MAP2K7: variants seen among roughly 807,000 people sequenced by gnomAD.
The protein encoded by MAP2K7 is dual specificity mitogen-activated protein kinase kinase 7.
MAP2K7 carries 12 observed loss-of-function variants against 47.7 expected under a neutral mutation model. The ratio of observed to expected loss-of-function variants is 0.25; its 90% CI spans 0.16 to 0.41. The LOEUF (loss-of-function observed/expected upper bound fraction) is 0.41. Among genes scored for constraint, MAP2K7 ranks in the 10% least tolerant of loss-of-function variants. MAP2K7 has a pLI of 1.00. For synonymous variants in MAP2K7, 299 were observed against 243.0 expected (o/e 1.23, Z -2.14); for missense variants, 415 against 600.3 (o/e 0.69, Z 3.23).
At position 7,913,043 on chromosome 19, in the gene MAP2K7, G is replaced by GCTCTCT. The variant is rs3066695; in HGVS notation, c.*633_*638dup. On this transcript the variant is annotated 3_prime_UTR_variant, in exon 11 of 11. Transcript: ENST00000397979. ...CGGCTGGACGGGGCTGCGCGCTCGC[G>GCTCTCT]CTCTCTCTCTCTCTCTCTCTCTCTC... 7.1e-3 allele frequency: 1,063 copies of GCTCTCT among 150,186 alleles called. 9 individuals carry two copies. Among genetic ancestry groups the GCTCTCT allele is most frequent in the Non-Finnish European group, 0.011 (735 of 67,556 alleles). 9.3% of individuals were successfully genotyped at this position (150,186 alleles called of 1,614,324 possible). A position where few individuals can be genotyped will look rare whatever the true frequency, so the allele number is the denominator to read the frequency against.
In MAP2K7 at chr19:7,908,414, A is replaced by T. The variant is rs189081985; in HGVS notation, c.125-1341A>T. Among the ~76,000 whole-genome samples the T allele has an allele frequency of 2.4e-4, 36 of 152,206 alleles. No homozygotes were observed. In the East Asian group the frequency reaches 4.6e-3, roughly 20 times the overall value. ...TGCTGGGCCTCCTGCATTGGGACTG[A>T]GGCGTCTTCCTGCCCCTCCTACTGG... is the stretch of plus-strand genomic sequence containing the variant. On this transcript the variant is annotated intron_variant, in intron 1 of 10. Coordinates refer to ENST00000397979, the MANE Select transcript of MAP2K7 (RefSeq NM_145185.4).
Position 7,911,431 on chromosome 19 carries a change from C to G in MAP2K7, c.937-5C>G, listed in dbSNP as rs1235863712. On this transcript the variant is annotated splice_polypyrimidine_tract_variant and splice_region_variant and intron_variant, in intron 8 of 10. Transcript: ENST00000397979. ...CCTGTCCAGCCCTGCCCGTCTCCCT[C>G]CCAGGTGGAGCTGGCAACAGGACAG... The G allele has an allele frequency of 3.7e-6, 6 of 1,613,232 alleles. No homozygotes were observed. In the East Asian group the frequency reaches 1.1e-4, roughly 30 times the overall value.
intron 10 of MAP2K7, 49 bp downstream of exon 10, chr19:7,912,243 G>A (rs201936214): frequency 6.4e-5 from 103 of 1,613,502 alleles, no homozygotes; most frequent in East Asian, 1.3e-4. Flanking sequence ...GCGGAGGCGC[G>A]AGGCCAGGAG....
rs1568281518 is a variant in MAP2K7, at chr19:7,913,070, T to TCTCTCTCTCTC, written c.*639_*640insCTCTCTCTCTC. The TCTCTCTCTCTC allele has an allele frequency of 7.2e-6, 1 of 139,580 alleles. No homozygotes were observed. The highest frequency in any genetic ancestry group is 2.6e-5 in the African/African-American group (1 of 39,124). 8.6% of individuals were successfully genotyped at this position (139,580 alleles called of 1,614,324 possible). A position where few individuals can be genotyped will look rare whatever the true frequency, so the allele number is the denominator to read the frequency against. On this transcript the variant is annotated 3_prime_UTR_variant, in exon 11 of 11. Transcript: ENST00000397979. ...TCTCTCTCTCTCTCTCTCTCTCTCTTTGATCTCAGGGGGTCCTTTTTGGAG... is the reference window on the plus strand; with the variant it reads ...TCTCTCTCTCTCTCTCTCTCTCTCTTCTCTCTCTCTCTGATCTCAGGGGGTCCTTTTTGGAG...
Position 7,912,204 on chromosome 19 carries a change from T to C in MAP2K7, c.1125+10T>C, listed in dbSNP as rs932739308. 6.2e-7 allele frequency: 1 copy of C among 1,613,782 alleles called. No individual in the cohort carries two copies. The highest frequency in any genetic ancestry group is 8.5e-7 in the Non-Finnish European group (1 of 1,179,932). On this transcript the variant is annotated intron_variant, in intron 10 of 10. Coordinates refer to ENST00000397979, the MANE Select transcript of MAP2K7 (RefSeq NM_145185.4). ...GTATAATAAGCTACTTGTGAGTACC[T>C]GAGCCCTCCCAGTCCCCGTCCTGTC...
chr19:7,905,445 A>G (rs1198919567), intron 1 of MAP2K7, among the ~76,000 whole-genome samples: 3 of 152,162 alleles, frequency 2.0e-5, no homozygotes, highest in Non-Finnish European at 4.4e-5. Context: ...GCCTGAGACA[A>G]GAAGCCCAGC....
rs1983011540 is a variant in MAP2K7, at chr19:7,912,905, C to CTGG, written c.*475_*477dup. The CTGG allele has an allele frequency of 5.7e-6, 1 of 175,872 alleles. No individual in the cohort carries two copies. Among genetic ancestry groups the CTGG allele is most frequent in the Non-Finnish European group, 1.2e-5 (1 of 81,568 alleles). The allele number at this position is 175,872 out of a possible 1,614,324, so 10.9% of individuals were successfully genotyped here. ...CACCCTCCCTGCCTCTGTCTCTCTTCTGGCCTGAGCCTGGGCCCAGCCACC... is the reference window on the plus strand; with the variant it reads ...CACCCTCCCTGCCTCTGTCTCTCTTCTGGTGGCCTGAGCCTGGGCCCAGCCACC... On this transcript the variant is annotated 3_prime_UTR_variant, in exon 11 of 11. Transcript: ENST00000397979.
At chr19:7,905,726 G>C in intron 1 of MAP2K7, 1 of 1,247,130 alleles carries the variant, frequency 8.0e-7, no homozygotes, top group East Asian at 2.3e-5. Flanking sequence ...TTTATGATTT[G>C]ATTTCTTTTC....
chr19:7,911,379 G>C (rs780818089), intron 8 of MAP2K7, 49 bp downstream of exon 8: 2 of 1,613,448 alleles, frequency 1.2e-6, no homozygotes, highest in South Asian at 2.2e-5. Context: ...AGGGCTTCTG[G>C]GGGACTCGGA....
chr19:7,914,029 C>T lies in MAP2K7; in HGVS notation c.*1598C>T, dbSNP rs1040154076. The T allele has an allele frequency of 4.6e-5, 7 of 151,894 alleles. No individual in the cohort carries two copies. The East Asian group carries it at 5.8e-4, about 13-fold the overall frequency. The allele number at this position is 151,894 out of a possible 1,614,324, so 9.4% of individuals were successfully genotyped here. A position where few individuals can be genotyped will look rare whatever the true frequency, so the allele number is the denominator to read the frequency against. Reference sequence around the variant, plus strand: ...CCTTTGTCAGGGGCCAGGGGTCTGCCGGGTGGGGGTGCCAACAGGCCTGGC... The same window carrying T: ...CCTTTGTCAGGGGCCAGGGGTCTGCTGGGTGGGGGTGCCAACAGGCCTGGC... On this transcript the variant is annotated 3_prime_UTR_variant, in exon 11 of 11. Transcript: ENST00000397979.
intron 1 of MAP2K7, among the ~76,000 whole-genome samples, chr19:7,909,185 C>A (rs1406937654): frequency 6.6e-6 from 1 of 152,212 alleles, no homozygotes. Context: ...CCCACTGGCC[C>A]GAGGGGGGCC....
intron 8 of MAP2K7, 48 bp from the exon 9 acceptor site, chr19:7,911,388 G>C (rs749150028): frequency 7.4e-6 from 12 of 1,613,268 alleles, no homozygotes; most frequent in Non-Finnish European, 1.0e-5. Flanking sequence ...GGGGGACTCG[G>C]AGGGAGGAGA....
At position 7,910,563 on chromosome 19, in the gene MAP2K7, C is replaced by T; in HGVS notation, c.558C>T (p.Phe186=). 1 of 1,613,608 alleles carries T rather than the reference C, an allele frequency of 6.2e-7. No homozygotes were observed. The highest frequency in any genetic ancestry group is 8.5e-7 in the Non-Finnish European group (1 of 1,179,972). ...CPYIVQCFGT[F]ITNTDVFIAM... ...ACATCGTGCAGTGCTTTGGGACGTT[C>T]ATCACCAACGTGAGTACCTGGCCGC... The change falls in exon 5 of 11, where the codon TTC becomes TTT. Residue 186 remains phenylalanine, a synonymous_variant. Coordinates refer to ENST00000397979, the MANE Select transcript of MAP2K7 (RefSeq NM_145185.4).
intron 1 of MAP2K7, among the ~76,000 whole-genome samples, chr19:7,907,278 G>A (rs1982525441): frequency 1.3e-5 from 2 of 152,206 alleles, no homozygotes; most frequent in African/African-American, 4.8e-5. Flanking sequence ...GGGAGAGAGA[G>A]TAGATGGGGT....
rs947022131 is a variant in MAP2K7 at position 7,911,348 on chromosome 19, C to G, written c.936+18C>G. On this transcript the variant is annotated intron_variant, in intron 8 of 10. Coordinates refer to ENST00000397979, the MANE Select transcript of MAP2K7 (RefSeq NM_145185.4). ...TCTCGTTGGTGAGTTGGGGCCCTCC[C>G]CTGTTCTCCAGCCAGGAGTGAGGGC... 8 of 1,613,364 alleles carry G rather than the reference C, an allele frequency of 5.0e-6. No homozygotes were observed. The highest frequency in any genetic ancestry group is 6.8e-6 in the Non-Finnish European group (8 of 1,180,004).
At position 7,913,262 on chromosome 19, in the gene MAP2K7, C is replaced by G. The variant is rs1024343190; in HGVS notation, c.*831C>G. 6.6e-6 allele frequency: 1 copy of G among 152,586 alleles called. No homozygotes were observed. The highest frequency in any genetic ancestry group is 2.4e-5 in the African/African-American group (1 of 41,396). 9.5% of individuals were successfully genotyped at this position (152,586 alleles called of 1,614,324 possible). On this transcript the variant is annotated 3_prime_UTR_variant, in exon 11 of 11. Transcript: ENST00000397979. ...GCACTGGGGAGCTGGGCTGGGGCTG[C>G]TGCTCTGGGGTCTCCGGGGGCCACA...
chr19:7,906,489 C>T (rs1982466834), intron 1 of MAP2K7: 1 of 152,714 alleles, frequency 6.5e-6, no homozygotes, highest in Admixed American at 6.5e-5. Context: ...GGCACGGTGG[C>T]TCACACCTGT....
rs781271100 is a variant in MAP2K7, at chr19:7,910,994, G to A, written c.690G>A (p.Leu230=). Residue 230 remains leucine (L), a synonymous_variant, in exon 7 of 11, where the codon CTG becomes CTA. Transcript: ENST00000397979. ...GKMTVAIVKA[L]YYLKEKHGVI... ...CGTGCCTGCAGATTGTGAAGGCGCT[G>A]TACTACCTGAAGGAGAAGCACGGTG... 5.6e-6 allele frequency: 9 copies of A among 1,611,558 alleles called. No homozygotes were observed. The East Asian group carries it at 1.6e-4, about 28-fold the overall frequency.
chr19:7,903,980 C>A lies in MAP2K7; in HGVS notation c.36C>A (p.Arg12=). 6.4e-7 allele frequency: 1 copy of A among 1,552,690 alleles called. No individual in the cohort carries two copies. The highest frequency in any genetic ancestry group is 8.7e-7 in the Non-Finnish European group (1 of 1,150,416). ...CCTCCCTGGAACAGAAGCTGTCCCG[C>A]CTGGAAGCAAAGCTGAAGCAGGAGA... ...AASSLEQKLS[R]LEAKLKQENR... Residue 12 remains arginine, a synonymous_variant, in exon 1 of 11, where the codon CGC becomes CGA. Coordinates refer to ENST00000397979, the MANE Select transcript of MAP2K7 (RefSeq NM_145185.4).
Sources: allele counts gnomAD v4.1 joint callset (sites outside exome capture counted in the v4.1 genomes callset), GRCh38; gene constraint gnomAD v4.1.1; transcripts MANE v1.5; gene names NCBI Gene and HGNC (gene_info 2026-07-23, HGNC 2026-07-21).